BNC2: variants seen among roughly 807,000 people sequenced by gnomAD.
BNC2 encodes the protein basonuclin zinc finger protein 2.
BNC2 carries 20 observed loss-of-function variants against 76.3 expected under a neutral mutation model. The observed-to-expected ratio is 0.26, with a 90% confidence interval of 0.18 to 0.38. The LOEUF (loss-of-function observed/expected upper bound fraction) is 0.38, where lower values mean the gene tolerates loss of function less well. Ranked by LOEUF, BNC2 falls within the 10% of genes least tolerant of loss-of-function variation. BNC2 has a pLI of 1.00. For synonymous variants in BNC2, 582 were observed against 514.8 expected, an observed-to-expected ratio of 1.13 and a Z score of -1.77; for missense variants, 1,382 against 1,399.8, an observed-to-expected ratio of 0.99 and a Z score of 0.20.
intron 5 of BNC2, among the ~76,000 whole-genome samples, chr9:16,543,379 G>A (rs1818382821): frequency 6.6e-6 from 1 of 152,192 alleles, no homozygotes; most frequent in Non-Finnish European, 1.5e-5. Context: ...CAAGAAGGAT[G>A]TATGAGTGCT....
intron 5 of BNC2, among the ~76,000 whole-genome samples, chr9:16,508,113 A>G (rs1187742138): frequency 1.3e-5 from 2 of 152,226 alleles, no homozygotes. Flanking sequence ...AGGTAACAAC[A>G]GCATATAAAG....
chr9:16,452,954 C>G (rs1238580254), intron 5 of BNC2, among the ~76,000 whole-genome samples: 3 of 152,158 alleles, frequency 2.0e-5, no homozygotes, highest in Non-Finnish European at 4.4e-5. Context: ...GAACTTCTAT[C>G]TGAATTCTGA....
intron 5 of BNC2, among the ~76,000 whole-genome samples, chr9:16,547,286 TTTC>T (rs1036931721): frequency 6.6e-6 from 1 of 152,244 alleles, no homozygotes; most frequent in African/African-American, 2.4e-5. Flanking sequence ...AGCCTTTACT[TTTC>T]TTCTTATTGC....
chr9:16,594,046 G>A (rs1276373493), intron 3 of BNC2, among the ~76,000 whole-genome samples: 4 of 152,042 alleles, frequency 2.6e-5, no homozygotes, highest in African/African-American at 9.7e-5. Flanking sequence ...TGGCATTCAT[G>A]AAAACAATTA....
chr9:16,659,715 CTCATT>C (rs1822052442), intron 3 of BNC2, among the ~76,000 whole-genome samples: 1 of 152,064 alleles, frequency 6.6e-6, no homozygotes, highest in Admixed American at 6.5e-5. Flanking sequence ...GGCTTGCTCT[CTCATT>C]TTATTCAGTT....
intron 5 of BNC2, among the ~76,000 whole-genome samples, chr9:16,542,162 TAC>T (rs774145885): frequency 6.6e-6 from 1 of 152,264 alleles, no homozygotes; most frequent in Middle Eastern, 3.4e-3. Flanking sequence ...CACATTTCCT[TAC>T]AGAGAGAACC....
chr9:16,744,879 A>T (rs1409228650), intron 1 of BNC2, among the ~76,000 whole-genome samples: 1 of 152,252 alleles, frequency 6.6e-6, no homozygotes, highest in Non-Finnish European at 1.5e-5. Context: ...ACATATGTAC[A>T]TGAATGAACT....
At chr9:16,672,280 G>A (rs1043700903) in intron 3 of BNC2, among the ~76,000 whole-genome samples, 3 of 152,142 alleles carry the variant, frequency 2.0e-5, no homozygotes, top group Non-Finnish European at 4.4e-5. Context: ...GGCGGATCAC[G>A]AGGTCAGGAG....
chr9:16,676,470 T>G (rs1316366751), intron 3 of BNC2, among the ~76,000 whole-genome samples: 5 of 152,272 alleles, frequency 3.3e-5, no homozygotes, highest in African/African-American at 1.2e-4. Flanking sequence ...CATAAGCATC[T>G]TATTTAATAC....
At chr9:16,862,152 A>G (rs939494092) in intron 1 of BNC2, among the ~76,000 whole-genome samples, 2 of 152,244 alleles carry the variant, frequency 1.3e-5, no homozygotes, top group Non-Finnish European at 2.9e-5. Flanking sequence ...ACTATCCAAC[A>G]ATTCTACTCT....
At chr9:16,791,090 C>A (rs1563945042) in intron 1 of BNC2, among the ~76,000 whole-genome samples, 1 of 151,562 alleles carries the variant, frequency 6.6e-6, no homozygotes. Context: ...GAGATGGAGT[C>A]TCACACTGTC....
At chr9:16,465,644 T>C (rs1254126335) in intron 5 of BNC2, among the ~76,000 whole-genome samples, 5 of 152,074 alleles carry the variant, frequency 3.3e-5, no homozygotes, top group African/African-American at 1.2e-4. Flanking sequence ...TATAAATATA[T>C]TACACATATA....
chr9:16,639,898 G>A (rs1821440713), intron 3 of BNC2, among the ~76,000 whole-genome samples: 1 of 151,928 alleles, frequency 6.6e-6, no homozygotes, highest in African/African-American at 2.4e-5. Context: ...TTCTAGCCTG[G>A]GCAACAGAGT....
intron 5 of BNC2, among the ~76,000 whole-genome samples, chr9:16,497,086 G>T (rs1251397841): frequency 6.6e-6 from 1 of 152,228 alleles, no homozygotes; most frequent in African/African-American, 2.4e-5. Flanking sequence ...GGCAGGAAGG[G>T]GAAGGGCTCA....
chr9:16,791,835 G>A (rs191297057), intron 1 of BNC2, among the ~76,000 whole-genome samples: 55 of 152,236 alleles, frequency 3.6e-4, no homozygotes, highest in African/African-American at 1.3e-3. Flanking sequence ...AGGCACGGCG[G>A]CTCACACCTG....
At chr9:16,538,371 C>T (rs1818193620) in intron 5 of BNC2, among the ~76,000 whole-genome samples, 6 of 152,138 alleles carry the variant, frequency 3.9e-5, no homozygotes, top group Non-Finnish European at 8.8e-5. Flanking sequence ...CTTTAACAGG[C>T]ACCACAACTT....
At chr9:16,604,864 A>C (rs1820338199) in intron 3 of BNC2, among the ~76,000 whole-genome samples, 4 of 152,216 alleles carry the variant, frequency 2.6e-5, no homozygotes. Context: ...TGTGAATTTT[A>C]CTTCAATAAA....
intron 5 of BNC2, among the ~76,000 whole-genome samples, chr9:16,448,263 T>A (rs569362278): frequency 2.5e-4 from 38 of 152,264 alleles, no homozygotes; most frequent in African/African-American, 8.7e-4. Context: ...TTTCTAAACA[T>A]AAATGCCAGA....
chr9:16,727,797 C>A lies in BNC2; in HGVS notation c.330G>T (p.Gln110His). 4 of 1,612,882 alleles carry A rather than the reference C, an allele frequency of 2.5e-6. No homozygotes were observed. In the South Asian group the frequency reaches 4.4e-5, roughly 18 times the overall value. The change falls in exon 3 of 7, where the codon CAG becomes CAT. Residue 110 changes from glutamine (Q) to histidine (H), a missense_variant and splice_region_variant. Physicochemically the swap from Gln to His is conservative, Grantham distance 24. Coordinates refer to ENST00000380672, the MANE Select transcript of BNC2 (RefSeq NM_017637.6). Reference sequence around the variant, plus strand: ...AAAATCAAGAAAGAAAGTAACTTACCTGTTGGGACATTCTGAATAAGAGGT... The same window carrying A: ...AAAATCAAGAAAGAAAGTAACTTACATGTTGGGACATTCTGAATAAGAGGT... ...DTNLLFRMSQ[Q>H]AIRCTLVNCT...
Sources: gnomAD v4.1 joint callset for allele counts (sites outside exome capture counted in the v4.1 genomes callset) on GRCh38, gnomAD v4.1.1 for gene constraint, MANE v1.5 for transcripts, NCBI Gene and HGNC (gene_info 2026-07-23, HGNC 2026-07-21) for gene names.